RIN2: variants seen among roughly 807,000 people sequenced by gnomAD.
RIN2 encodes the protein RAB5 interacting protein 2.
RIN2 carries 36 observed loss-of-function variants against 78.0 expected under a neutral mutation model. That is an observed-to-expected ratio of 0.46 (90% CI 0.35 to 0.61). The LOEUF (loss-of-function observed/expected upper bound fraction) is 0.61, where lower values mean the gene tolerates loss of function less well. RIN2 is among the 20% of genes least tolerant of loss of function. The pLI, the probability that RIN2 is intolerant of heterozygous loss-of-function variation, is 0.00. For synonymous variants in RIN2, 466 were observed against 466.8 expected, an observed-to-expected ratio of 1.00 and a Z score of 0.02; for missense variants, 1,087 against 1,159.7, an observed-to-expected ratio of 0.94 and a Z score of 0.91.
intron 1 of RIN2, among the ~76,000 whole-genome samples, chr20:19,787,422 TAAAAAA>T (rs541323014): frequency 5.8e-5 from 5 of 85,878 alleles, no homozygotes; most frequent in East Asian, 3.3e-4. Flanking sequence ...GACTCCATCT[TAAAAAA>T]AAAAAAAAAA....
chr20:19,993,923 G>C (rs547666074), intron 11 of RIN2, among the ~76,000 whole-genome samples: 3 of 152,282 alleles, frequency 2.0e-5, no homozygotes, highest in East Asian at 1.9e-4. Flanking sequence ...AAAAAGACAC[G>C]CCGGTTTCAC....
chr20:19,853,927 TG>T, intron 2 of RIN2, among the ~76,000 whole-genome samples: 1 of 152,262 alleles, frequency 6.6e-6, no homozygotes, highest in African/African-American at 2.4e-5. Flanking sequence ...CCATTGCTTT[TG>T]GTGTTTTAGT....
intron 2 of RIN2, among the ~76,000 whole-genome samples, chr20:19,852,931 C>T (rs1035351082): frequency 7.9e-5 from 12 of 151,712 alleles, no homozygotes; most frequent in Middle Eastern, 3.4e-3. Flanking sequence ...ATGTGCACAA[C>T]GTGCAGGTTT....
intron 1 of RIN2, among the ~76,000 whole-genome samples, chr20:19,767,869 G>T (rs1223288190): frequency 2.0e-5 from 3 of 148,134 alleles, no homozygotes; most frequent in East Asian, 4.0e-4. Context: ...AGGTTGCAGG[G>T]AGCCGAGATC....
chr20:19,802,786 A>G (rs2035287771), intron 2 of RIN2, among the ~76,000 whole-genome samples: 1 of 152,170 alleles, frequency 6.6e-6, no homozygotes, highest in African/African-American at 2.4e-5. Flanking sequence ...TACACCAAGG[A>G]GTGCTCTGGC....
intron 2 of RIN2, among the ~76,000 whole-genome samples, chr20:19,874,080 G>A (rs1388832116): frequency 6.6e-6 from 1 of 152,018 alleles, no homozygotes; most frequent in Non-Finnish European, 1.5e-5. Context: ...GTGTGTGTGT[G>A]TGTGTTTGTG....
At chr20:19,919,112 T>A (rs896280232) in intron 3 of RIN2, among the ~76,000 whole-genome samples, 1 of 152,236 alleles carries the variant, frequency 6.6e-6, no homozygotes, top group Non-Finnish European at 1.5e-5. Context: ...CTGTTTGCCA[T>A]GTGGGAATCT....
At chr20:19,940,215 T>G (rs1230597988) in intron 4 of RIN2, among the ~76,000 whole-genome samples, 1 of 152,158 alleles carries the variant, frequency 6.6e-6, no homozygotes, top group Non-Finnish European at 1.5e-5. Context: ...GGACTGGGTC[T>G]GTCCTTCACC....
chr20:19,799,314 T>C (rs2035170061), intron 1 of RIN2, among the ~76,000 whole-genome samples: 1 of 152,192 alleles, frequency 6.6e-6, no homozygotes, highest in Non-Finnish European at 1.5e-5. Context: ...AGGAAATGAA[T>C]TGTCACTTAA....
intron 3 of RIN2, among the ~76,000 whole-genome samples, chr20:19,926,651 G>A (rs531947292): frequency 1.3e-5 from 2 of 152,156 alleles, no homozygotes; most frequent in East Asian, 3.9e-4. Context: ...GCTGATTCCC[G>A]GATTATAAAT....
At chr20:19,976,572 G>C (rs1475966081) in intron 9 of RIN2, among the ~76,000 whole-genome samples, 1 of 152,178 alleles carries the variant, frequency 6.6e-6, no homozygotes. Context: ...CTTTGGCCAA[G>C]GCAAATTTGA....
At chr20:19,892,663 C>G (rs2038532965) in intron 3 of RIN2, among the ~76,000 whole-genome samples, 1 of 152,240 alleles carries the variant, frequency 6.6e-6, no homozygotes, top group Admixed American at 6.5e-5. Flanking sequence ...AGGCGTGAGC[C>G]ACCGCACCCA....
chr20:19,848,782 A>G (rs903591313), intron 2 of RIN2, among the ~76,000 whole-genome samples: 5 of 152,192 alleles, frequency 3.3e-5, no homozygotes, highest in Admixed American at 3.3e-4. Context: ...TTAAAAAACT[A>G]CTGCCTCTAG....
chr20:19,833,654 T>A (rs1412826929), intron 2 of RIN2, among the ~76,000 whole-genome samples: 4 of 152,160 alleles, frequency 2.6e-5, no homozygotes. Flanking sequence ...TCTATATGAG[T>A]AGTGAGTGTA....
chr20:19,840,339 G>A (rs193157111), intron 2 of RIN2, among the ~76,000 whole-genome samples: 2 of 152,302 alleles, frequency 1.3e-5, no homozygotes, highest in East Asian at 3.9e-4. Flanking sequence ...TGCATACTTG[G>A]GCAGCAGTTT....
At chr20:19,965,119 A>C in intron 7 of RIN2, 95 bp downstream of exon 7, 2 of 992,990 alleles carry the variant, frequency 2.0e-6, no homozygotes, top group Non-Finnish European at 3.2e-6. Context: ...GAGGCTGGCC[A>C]CCTATTTGAT....
intron 9 of RIN2, among the ~76,000 whole-genome samples, chr20:19,989,723 G>A (rs2042735533): frequency 6.6e-6 from 1 of 152,170 alleles, no homozygotes; most frequent in South Asian, 2.1e-4. Context: ...GTACTTACAG[G>A]GATAGGGCAT....
chr20:19,859,811 G>A (rs926837205), intron 2 of RIN2, among the ~76,000 whole-genome samples: 45 of 152,164 alleles, frequency 3.0e-4, no homozygotes, highest in East Asian at 5.8e-4. Context: ...CCTCACCTGC[G>A]TTCTCTATAT....
intron 11 of RIN2, among the ~76,000 whole-genome samples, chr20:19,993,446 C>T (rs1169857758): frequency 6.6e-6 from 1 of 151,964 alleles, no homozygotes; most frequent in Non-Finnish European, 1.5e-5. Flanking sequence ...TGTGAATTCA[C>T]CAGGCCTTAA....
Sources: allele counts gnomAD v4.1 joint callset (sites outside exome capture counted in the v4.1 genomes callset), GRCh38; gene constraint gnomAD v4.1.1; transcripts MANE v1.5; gene names NCBI Gene and HGNC (gene_info 2026-07-23, HGNC 2026-07-21).